Variants in WDFY4 observed in about 807,000 individuals in gnomAD.
WDFY4 encodes WDFY family member 4, also known as WD repeat- and FYVE domain-containing protein 4.
Under a neutral mutation model 351.9 loss-of-function variants are expected in WDFY4, and 169 were observed. The observed-to-expected ratio is 0.48, with a 90% CI of 0.42 to 0.55. The LOEUF is 0.55. WDFY4 is among the 20% of genes least tolerant of loss of function. The pLI, the probability that WDFY4 is intolerant of heterozygous loss-of-function variation, is 0.00. For missense variants in WDFY4, 3,803 were observed against 3,935.6 expected, an observed-to-expected ratio of 0.97 and a Z score of 0.90; for synonymous variants, 1,622 against 1,574.6, an observed-to-expected ratio of 1.03 and a Z score of -0.71.
intron 47 of WDFY4, among the ~76,000 whole-genome samples, chr10:48,932,984 G>A (rs556912957): frequency 2.0e-5 from 3 of 152,260 alleles, no homozygotes; most frequent in East Asian, 1.9e-4. Context: ...ATGGGTAGGG[G>A]ACAACATAAG....
At chr10:48,741,571 C>A (rs781059673) in intron 11 of WDFY4, among the ~76,000 whole-genome samples, 8 of 151,654 alleles carry the variant, frequency 5.3e-5, no homozygotes, top group Non-Finnish European at 1.0e-4. Context: ...AATATCTAGA[C>A]CCTTCCCACA....
intron 52 of WDFY4, 134 bp from the exon 53 acceptor site, chr10:48,959,588 A>G: frequency 2.6e-6 from 2 of 777,014 alleles, no homozygotes; most frequent in Non-Finnish European, 4.2e-6. Flanking sequence ...TGAAAGCAGC[A>G]TGGTCTGCAG....
At chr10:48,784,302 G>A (rs561945891) in intron 19 of WDFY4, among the ~76,000 whole-genome samples, 4 of 152,062 alleles carry the variant, frequency 2.6e-5, no homozygotes, top group African/African-American at 4.8e-5. Context: ...TGACATTTCC[G>A]CTAACAATGG....
intron 36 of WDFY4, among the ~76,000 whole-genome samples, chr10:48,827,558 C>G (rs1346179299): frequency 6.7e-6 from 1 of 148,382 alleles, no homozygotes; most frequent in Non-Finnish European, 1.5e-5. Flanking sequence ...GAACCACATT[C>G]TCCAGCATCT....
intron 13 of WDFY4, among the ~76,000 whole-genome samples, chr10:48,772,517 C>CTTTTT: frequency 1.4e-5 from 1 of 70,650 alleles, no homozygotes; most frequent in Non-Finnish European, 2.7e-5. Flanking sequence ...GAGGGCAGTT[C>CTTTTT]TTTTTTTTTT....
At chr10:48,729,820 C>T (rs1300951714) in intron 8 of WDFY4, among the ~76,000 whole-genome samples, 3 of 152,230 alleles carry the variant, frequency 2.0e-5, no homozygotes, top group African/African-American at 7.2e-5. Flanking sequence ...TTCTCTCCCT[C>T]ACCCCTGGGG....
chr10:48,863,535 TA>T (rs1487233171), intron 39 of WDFY4, among the ~76,000 whole-genome samples: 1 of 152,222 alleles, frequency 6.6e-6, no homozygotes, highest in East Asian at 1.9e-4. Context: ...TGTCCATTTT[TA>T]AATTGGATTA....
At chr10:48,848,659 C>A (rs2068858021) in intron 39 of WDFY4, among the ~76,000 whole-genome samples, 1 of 152,152 alleles carries the variant, frequency 6.6e-6, no homozygotes, top group Non-Finnish European at 1.5e-5. Flanking sequence ...TTGATCACTG[C>A]CTCCACTTGG....
At chr10:48,805,547 G>C in intron 26 of WDFY4, 126 bp downstream of exon 26, 1 of 1,340,048 alleles carries the variant, frequency 7.5e-7, no homozygotes, top group African/African-American at 1.5e-5. Context: ...AGGAATTTTT[G>C]CCCAGGGCTG....
rs530827334 is a variant in WDFY4 at position 48,938,258 on chromosome 10, C to T, written c.7587-3548C>T. 4.9e-4 allele frequency among the ~76,000 whole-genome samples: 74 copies of T among 152,332 alleles called. 1 individual carries two copies. Among genetic ancestry groups the T allele is most frequent in the Admixed American group, 1.4e-3 (22 of 15,306 alleles). ...ATTTTGAGATGTGTCTGCATTAGCT[C>T]GGGGTCCCAGGTTAACCTGCAGGCC... On this transcript the variant is annotated intron_variant, in intron 47 of 61. Transcript: ENST00000325239.
At chr10:48,861,751 AT>A (rs1317099483) in intron 39 of WDFY4, among the ~76,000 whole-genome samples, 10 of 150,728 alleles carry the variant, frequency 6.6e-5, no homozygotes, top group Non-Finnish European at 1.5e-4. Flanking sequence ...TATTTGGGGG[AT>A]TTTTTCAGCC....
At chr10:48,854,489 A>C (rs2069068870) in intron 39 of WDFY4, among the ~76,000 whole-genome samples, 1 of 152,072 alleles carries the variant, frequency 6.6e-6, no homozygotes, top group South Asian at 2.1e-4. Context: ...GATCCCTTGC[A>C]GTTTACAAAA....
At chr10:48,931,901 G>A (rs1474278089) in intron 47 of WDFY4, among the ~76,000 whole-genome samples, 4 of 152,136 alleles carry the variant, frequency 2.6e-5, no homozygotes, top group African/African-American at 9.7e-5. Context: ...GTCAGGACAG[G>A]GCAGCACCCT....
intron 25 of WDFY4, among the ~76,000 whole-genome samples, chr10:48,804,316 C>T (rs764433621): frequency 5.9e-5 from 9 of 152,118 alleles, no homozygotes; most frequent in Non-Finnish European, 1.3e-4. Context: ...ACATTTCGCA[C>T]CCTGTACTTA....
chr10:48,874,866 T>C (rs1214425036), intron 41 of WDFY4, among the ~76,000 whole-genome samples: 1 of 152,230 alleles, frequency 6.6e-6, no homozygotes, highest in Non-Finnish European at 1.5e-5. Context: ...TCCTACTTAA[T>C]GGAAGATTGT....
chr10:48,887,553 C>T (rs369155964), intron 43 of WDFY4, among the ~76,000 whole-genome samples: 4 of 152,096 alleles, frequency 2.6e-5, no homozygotes, highest in South Asian at 2.1e-4. Flanking sequence ...CCAAGACGGG[C>T]GGATCACGAG....
In WDFY4 at chr10:48,721,285, A is replaced by C. The variant is rs917358370; in HGVS notation, c.374A>C (p.Gln125Pro). The stretch of plus-strand genomic sequence containing the variant: ...GAGCAAGCTCGGTTGGCAGCTGGAC[A>C]GTTGCTGTGGTGGAAGGGGGACGTG... ...PAEQARLAAGQLLWWKGDVDQ... is the reference protein window; with the variant it reads ...PAEQARLAAGPLLWWKGDVDQ... The change falls in exon 4 of 62, where the codon CAG becomes CCG. Residue 125 changes from glutamine to proline, a missense_variant. By Grantham distance (76) the Gln-to-Pro change is moderately conservative. This residue lies in a region of WDFY4 where 488 missense variants were observed against 456.8 expected (regional missense o/e 1.07). Coordinates refer to ENST00000325239, the MANE Select transcript of WDFY4 (RefSeq NM_001394531.1). 1 of 1,551,610 alleles carries C rather than the reference A, an allele frequency of 6.4e-7. No individual in the cohort carries two copies. Among genetic ancestry groups the C allele is most frequent in the Non-Finnish European group, 8.7e-7 (1 of 1,146,960 alleles).
At chr10:48,937,947 C>T (rs375391219) in intron 47 of WDFY4, among the ~76,000 whole-genome samples, 65 of 152,276 alleles carry the variant, frequency 4.3e-4, no homozygotes, top group Admixed American at 3.7e-3. Context: ...CTGCCCCCAG[C>T]ATCTCCCCAG....
intron 40 of WDFY4, among the ~76,000 whole-genome samples, chr10:48,870,284 C>T (rs2069715280): frequency 6.6e-6 from 1 of 152,122 alleles, no homozygotes; most frequent in Non-Finnish European, 1.5e-5. Flanking sequence ...TGCCTCTAAT[C>T]CCAGTGCTTT....
Sources: allele counts gnomAD v4.1 joint callset (sites outside exome capture counted in the v4.1 genomes callset), GRCh38; gene constraint gnomAD v4.1.1; regional missense constraint gnomAD v4.1.1; transcripts MANE v1.5; gene names NCBI Gene and HGNC (gene_info 2026-07-23, HGNC 2026-07-21).